ROBO1: variants seen among roughly 807,000 people sequenced by gnomAD.
The protein encoded by ROBO1 is roundabout guidance receptor 1, also known as roundabout homolog 1.
A neutral mutation model predicts 195.9 loss-of-function variants in ROBO1; 149 were observed. That is an observed-to-expected ratio of 0.76 (90% CI 0.67 to 0.87). The LOEUF (loss-of-function observed/expected upper bound fraction) is 0.87, where lower values mean the gene tolerates loss of function less well. ROBO1 is among the 40% of genes least tolerant of loss of function. The pLI is 0.00. For missense variants in ROBO1, 1,933 were observed against 2,068.3 expected (o/e 0.93, Z 1.27); for synonymous variants, 816 against 733.2 (o/e 1.11, Z -1.82).
chr3:78,858,482 A>G (rs2034587279), intron 4 of ROBO1, among the ~76,000 whole-genome samples: 2 of 149,964 alleles, frequency 1.3e-5, no homozygotes, highest in East Asian at 2.0e-4. Context: ...TAATCTCAGG[A>G]CTTTGGGAGG....
At chr3:79,697,001 A>T (rs1053960467) in intron 1 of ROBO1, among the ~76,000 whole-genome samples, 2 of 151,468 alleles carry the variant, frequency 1.3e-5, no homozygotes, top group Admixed American at 1.3e-4. Flanking sequence ...GTAGAGAACC[A>T]GGGTATCTAG....
intron 4 of ROBO1, among the ~76,000 whole-genome samples, chr3:78,828,887 C>T (rs2031884663): frequency 6.6e-6 from 1 of 152,104 alleles, no homozygotes; most frequent in Non-Finnish European, 1.5e-5. Flanking sequence ...TAATATAAAT[C>T]GTGCAACCTG....
At position 79,447,937 on chromosome 3, in the gene ROBO1, T is replaced by G. The variant is rs115983188; in HGVS notation, c.88+141887A>C. 6.1e-3 allele frequency among the ~76,000 whole-genome samples: 933 copies of G among 152,300 alleles called. 7 individuals carry two copies. The highest frequency in any genetic ancestry group is 9.9e-3 in the Non-Finnish European group (674 of 68,006). ...ACTACATCTACTAACTCACTTCTAC[T>G]ACTGCTACTGCTCCCACTACCTACT... On this transcript the variant is annotated intron_variant, in intron 2 of 30. Transcript: ENST00000464233.
At chr3:79,175,538 G>T (rs1457809923) in intron 2 of ROBO1, among the ~76,000 whole-genome samples, 2 of 152,150 alleles carry the variant, frequency 1.3e-5, no homozygotes. Context: ...AACTTTCCTT[G>T]AGTTTATCTA....
rs1706742541 is a variant in ROBO1, at chr3:78,652,623, A to T, written c.2615-694T>A. 2.0e-5 allele frequency among the ~76,000 whole-genome samples: 3 copies of T among 152,218 alleles called. No individual in the cohort carries two copies. The South Asian group carries it at 6.2e-4, about 32-fold the overall frequency. On this transcript the variant is annotated intron_variant, in intron 18 of 30. Coordinates refer to ENST00000464233, the MANE Select transcript of ROBO1 (RefSeq NM_002941.4). Reference sequence around the variant, plus strand: ...AATGTTACCATTGAAAGAGCCATGAATAATCTCTGCATTAAAATAATAATC... The same window carrying T: ...AATGTTACCATTGAAAGAGCCATGATTAATCTCTGCATTAAAATAATAATC...
chr3:78,858,155 C>A (rs911176924), intron 4 of ROBO1, among the ~76,000 whole-genome samples: 1 of 152,064 alleles, frequency 6.6e-6, no homozygotes, highest in Admixed American at 6.6e-5. Flanking sequence ...GTGTGGCTAG[C>A]TCATAAGGAG....
intron 1 of ROBO1, among the ~76,000 whole-genome samples, chr3:79,641,565 A>T (rs1198894416): frequency 2.0e-5 from 3 of 151,446 alleles, no homozygotes; most frequent in East Asian, 3.9e-4. Flanking sequence ...AATAATAAAT[A>T]AAAAAAATAA....
intron 2 of ROBO1, among the ~76,000 whole-genome samples, chr3:79,312,308 C>T (rs1362192525): frequency 6.6e-6 from 1 of 152,150 alleles, no homozygotes; most frequent in Admixed American, 6.5e-5. Context: ...CACATCATGA[C>T]CTTTTTCAAT....
At chr3:79,455,000 A>T (rs2039570093) in intron 2 of ROBO1, among the ~76,000 whole-genome samples, 1 of 152,144 alleles carries the variant, frequency 6.6e-6, no homozygotes, top group African/African-American at 2.4e-5. Context: ...CTTAGGGAAC[A>T]TTCTAAGTAC....
intron 8 of ROBO1, among the ~76,000 whole-genome samples, chr3:78,701,651 T>C (rs1436982010): frequency 6.6e-6 from 1 of 152,222 alleles, no homozygotes. Context: ...TCTTCACTAA[T>C]GACCTAAAAG....
At chr3:79,343,763 T>C (rs996656766) in intron 2 of ROBO1, among the ~76,000 whole-genome samples, 2 of 152,026 alleles carry the variant, frequency 1.3e-5, no homozygotes, top group African/African-American at 4.8e-5. Context: ...CAAACAAAGA[T>C]GTAGAAAAGA....
At chr3:79,577,713 TAA>T (rs1260762185) in intron 2 of ROBO1, among the ~76,000 whole-genome samples, 2 of 130,668 alleles carry the variant, frequency 1.5e-5, no homozygotes, top group East Asian at 2.2e-4. Context: ...CTGTCTTTAC[TAA>T]AAACACACAC....
intron 2 of ROBO1, among the ~76,000 whole-genome samples, chr3:79,344,220 A>T (rs2109236944): frequency 6.6e-6 from 1 of 152,308 alleles, no homozygotes; most frequent in African/African-American, 2.4e-5. Flanking sequence ...TCCAGATTAA[A>T]ATAGAGCAGT....
At position 78,804,765 on chromosome 3, in the gene ROBO1, GAA is replaced by G. The variant is rs36051020; in HGVS notation, c.500-57867_500-57866del. Reference sequence around the variant, plus strand: ...AAAAAAAAAAAAAAGCAAAAGGAAAGAAAAAAAAAATCCACTTAGGGCTTGGC... The same window carrying G: ...AAAAAAAAAAAAAAGCAAAAGGAAAGAAAAAAAATCCACTTAGGGCTTGGC... On this transcript the variant is annotated intron_variant, in intron 4 of 30. Transcript: ENST00000464233. Among the ~76,000 whole-genome samples, 6 of 138,058 alleles carry G rather than the reference GAA, an allele frequency of 4.3e-5. No individual in the cohort carries two copies. In the East Asian group the frequency reaches 6.4e-4, roughly 15 times the overall value. The allele number at this position is 138,058 out of a possible 152,430, so 90.6% of individuals were successfully genotyped here.
intron 2 of ROBO1, among the ~76,000 whole-genome samples, chr3:79,219,331 C>G (rs1452304497): frequency 6.6e-6 from 1 of 151,914 alleles, no homozygotes; most frequent in Non-Finnish European, 1.5e-5. Context: ...TGATATCTAA[C>G]ATAATTATGA....
At chr3:78,824,536 A>C (rs1310631023) in intron 4 of ROBO1, among the ~76,000 whole-genome samples, 3 of 152,190 alleles carry the variant, frequency 2.0e-5, no homozygotes, top group Admixed American at 6.5e-5. Flanking sequence ...TCGGAGCTGC[A>C]GTTTATAATG....
At chr3:79,535,808 C>T (rs1941835914) in intron 2 of ROBO1, among the ~76,000 whole-genome samples, 1 of 152,058 alleles carries the variant, frequency 6.6e-6, no homozygotes, top group South Asian at 2.1e-4. Flanking sequence ...ACCAGAGAAG[C>T]AGTCACTCAC....
At chr3:78,929,791 C>T (rs1168158295) in intron 4 of ROBO1, among the ~76,000 whole-genome samples, 1 of 152,042 alleles carries the variant, frequency 6.6e-6, no homozygotes, top group Non-Finnish European at 1.5e-5. Context: ...AGGTATGAGC[C>T]ACTGTGCTTG....
chr3:79,346,337 T>G (rs1438029141), intron 2 of ROBO1, among the ~76,000 whole-genome samples: 1 of 152,106 alleles, frequency 6.6e-6, no homozygotes, highest in African/African-American at 2.4e-5. Flanking sequence ...AATGCTATTT[T>G]CTGATACTTT....
Sources: gnomAD v4.1 joint callset for allele counts (sites outside exome capture counted in the v4.1 genomes callset) on GRCh38, gnomAD v4.1.1 for gene constraint, MANE v1.5 for transcripts, NCBI Gene and HGNC (gene_info 2026-07-23, HGNC 2026-07-21) for gene names.